Variants in PLEKHG1 observed in about 807,000 individuals in gnomAD.
PLEKHG1 encodes pleckstrin homology and RhoGEF domain containing G1, also known as pleckstrin homology domain-containing family G member 1.
Under a neutral mutation model 100.8 loss-of-function variants are expected in PLEKHG1, and 44 were observed. The ratio of observed to expected loss-of-function variants is 0.44; its 90% confidence interval spans 0.34 to 0.56. The LOEUF is 0.56. Ranked by LOEUF, PLEKHG1 falls within the 20% of genes least tolerant of loss-of-function variation. The probability of loss-of-function intolerance (pLI) is 0.01; values close to 1 mark genes in which losing one functional copy is unlikely to be tolerated. For synonymous variants in PLEKHG1, 640 were observed against 662.5 expected, an observed-to-expected ratio of 0.97 and a Z score of 0.52; for missense variants, 1,545 against 1,720.9, an observed-to-expected ratio of 0.90 and a Z score of 1.81.
At chr6:150,779,344 G>GTTTTTT (rs71554482) in intron 3 of PLEKHG1, among the ~76,000 whole-genome samples, 2 of 104,534 alleles carry the variant, frequency 1.9e-5, no homozygotes, top group African/African-American at 8.6e-5. Context: ...TTGTCAAGAA[G>GTTTTTT]TTTTTTTTTT....
chr6:150,633,699 C>T (rs1777859228), intron 1 of PLEKHG1, among the ~76,000 whole-genome samples: 1 of 152,116 alleles, frequency 6.6e-6, no homozygotes, highest in Non-Finnish European at 1.5e-5. Flanking sequence ...TGATTCTAAA[C>T]CAATTTGGTT....
rs80325601 is a variant in PLEKHG1, at chr6:150,643,653, A to G, written c.-158+5528A>G. Among the ~76,000 whole-genome samples the G allele has an allele frequency of 1.8e-4, 28 of 152,338 alleles. 1 individual carries two copies. The East Asian group carries it at 5.4e-3, about 29-fold the overall frequency. The stretch of plus-strand genomic sequence containing the variant: ...GGATTAAAAACTGCTTGATGTATGT[A>G]GCTTTTCCAAAATGTGAGCCGTGTT... On this transcript the variant is annotated intron_variant, in intron 2 of 3. Coordinates refer to the PLEKHG1 transcript ENST00000367326.
intron 2 of PLEKHG1, among the ~76,000 whole-genome samples, chr6:150,750,124 A>C (rs376930034): frequency 1.3e-5 from 2 of 152,162 alleles, no homozygotes; most frequent in East Asian, 3.9e-4. Flanking sequence ...AAAAGGAGGA[A>C]TAAAGAAAAT....
intron 3 of PLEKHG1, among the ~76,000 whole-genome samples, chr6:150,779,505 T>C (rs1410313661): frequency 6.6e-6 from 1 of 151,644 alleles, no homozygotes; most frequent in Non-Finnish European, 1.5e-5. Context: ...GCCACCACAC[T>C]CAGCTAATTT....
At chr6:150,830,236 G>A (rs1776841696) in intron 14 of PLEKHG1, among the ~76,000 whole-genome samples, 1 of 152,162 alleles carries the variant, frequency 6.6e-6, no homozygotes, top group African/African-American at 2.4e-5. Context: ...TATTAAGTTT[G>A]GAGAATGTCT....
chr6:150,732,459 G>T (rs1365688934), intron 1 of PLEKHG1, among the ~76,000 whole-genome samples: 1 of 152,194 alleles, frequency 6.6e-6, no homozygotes, highest in Non-Finnish European at 1.5e-5. Flanking sequence ...ATTCAGTCAT[G>T]CATCACTTCA....
At chr6:150,634,248 C>A (rs73004311) in intron 1 of PLEKHG1, among the ~76,000 whole-genome samples, 12,353 of 132,580 alleles carry the variant, frequency 0.093, 559 homozygotes, top group Non-Finnish European at 0.1. Context: ...CGATCTCCCC[C>A]CCAAAAAAAA....
rs75792309 is a variant in PLEKHG1 at position 150,649,193 on chromosome 6, A to G, written c.-157-1535A>G. ...TGTTTTTACTCCTCCTATGCAGAAT[A>G]AAATTAGCTAATTTTCATTATCCCC... On this transcript the variant is annotated intron_variant, in intron 2 of 3. Transcript: ENST00000367326. Among the ~76,000 whole-genome samples the G allele has an allele frequency of 2.6e-4, 40 of 152,362 alleles. No homozygotes were observed. The East Asian group carries it at 7.7e-3, about 29-fold the overall frequency.
Position 150,617,453 on chromosome 6 carries a change from C to A in PLEKHG1, c.-204+17436C>A, listed in dbSNP as rs60261407. On this transcript the variant is annotated intron_variant, in intron 1 of 3. Transcript: ENST00000367326. ...TGAGAAGTAATTAACCAGTTAATTACGAGTGTGGCAGAATCCACTTGTACT... is the reference window on the plus strand; with the variant it reads ...TGAGAAGTAATTAACCAGTTAATTAAGAGTGTGGCAGAATCCACTTGTACT... Among the ~76,000 whole-genome samples the A allele has an allele frequency of 3.1e-3, 465 of 152,242 alleles. 4 individuals carry two copies. The highest frequency in any genetic ancestry group is 0.011 in the African/African-American group (449 of 41,530).
Position 150,839,745 on chromosome 6 carries a change from G to A in PLEKHG1, c.3095-88G>A, listed in dbSNP as rs780773759. The A allele has an allele frequency of 1.1e-4, 90 of 853,930 alleles. 1 individual carries two copies. In the South Asian group the frequency reaches 1.1e-3, roughly 10 times the overall value. 52.9% of individuals were successfully genotyped at this position (853,930 alleles called of 1,614,324 possible). ...GTCTACTGTCAAAATTTTAAAATAC[G>A]TTGGTTAGAATGTTATTCTCTTATT... On this transcript the variant is annotated intron_variant, in intron 15 of 15. Coordinates refer to ENST00000358517, the Ensembl canonical transcript of PLEKHG1.
intron 2 of PLEKHG1, among the ~76,000 whole-genome samples, chr6:150,767,663 C>T (rs1319593427): frequency 1.3e-5 from 2 of 152,182 alleles, no homozygotes; most frequent in Non-Finnish European, 2.9e-5. Context: ...CTAAACACGA[C>T]AGTGTTTGCT....
At chr6:150,674,682 T>TCTCTCTCTCGCC (rs1455673564) in intron 3 of PLEKHG1, among the ~76,000 whole-genome samples, 1 of 104,234 alleles carries the variant, frequency 9.6e-6, no homozygotes. Context: ...TCTCTCTCTC[T>TCTCTCTCTCGCC]CCCCCCTCTT....
At chr6:150,663,556 T>TCTCTC (rs376524897) in intron 3 of PLEKHG1, 3 of 131,510 alleles carry the variant, frequency 2.3e-5, no homozygotes, top group East Asian at 2.2e-4. Flanking sequence ...TCTCTCTCTC[T>TCTCTC]TTTTTTTTTT....
At chr6:150,634,502 C>T (rs1414121201) in intron 1 of PLEKHG1, among the ~76,000 whole-genome samples, 1 of 152,056 alleles carries the variant, frequency 6.6e-6, no homozygotes, top group African/African-American at 2.4e-5. Flanking sequence ...AAACCACACT[C>T]AAGACTAACT....
At chr6:150,800,970 A>G (rs1243969974) in intron 6 of PLEKHG1, 101 bp downstream of exon 7, 2 of 924,750 alleles carry the variant, frequency 2.2e-6, no homozygotes, top group Non-Finnish European at 3.4e-6. Context: ...GGACATATGG[A>G]AACATTTCCC....
intron 3 of PLEKHG1, among the ~76,000 whole-genome samples, chr6:150,769,783 C>CA (rs1234442636): frequency 6.6e-6 from 1 of 152,016 alleles, no homozygotes; most frequent in Admixed American, 6.6e-5. Flanking sequence ...TCCTTCTTCT[C>CA]GCTGAGGCTC....
intron 2 of PLEKHG1, among the ~76,000 whole-genome samples, chr6:150,638,820 T>G (rs975669305): frequency 6.6e-6 from 1 of 152,240 alleles, no homozygotes; most frequent in African/African-American, 2.4e-5. Flanking sequence ...TAGAATTCTC[T>G]TTATATAGCA....
chr6:150,821,093 G>A, intron 12 of PLEKHG1, 102 bp from the exon 14 acceptor site: 1 of 851,060 alleles, frequency 1.2e-6, no homozygotes, highest in Non-Finnish European at 1.9e-6. Context: ...AAGTTATAGA[G>A]CTCTGTTAAT....
intron 2 of PLEKHG1, among the ~76,000 whole-genome samples, chr6:150,757,982 A>T (rs1231550226): frequency 1.3e-5 from 2 of 152,166 alleles, no homozygotes; most frequent in Non-Finnish European, 2.9e-5. Flanking sequence ...GTTGCTGAGG[A>T]TAACAGCTTC....
Sources: allele counts gnomAD v4.1 joint callset (sites outside exome capture counted in the v4.1 genomes callset), GRCh38; gene constraint gnomAD v4.1.1; transcripts MANE v1.5; gene names NCBI Gene and HGNC (gene_info 2026-07-23, HGNC 2026-07-21).